The following EPHB1 variants were observed in gnomAD, a reference collection of about 807,000 sequenced individuals.
EPHB1 encodes ephrin type-B receptor 1.
A neutral mutation model predicts 94.4 loss-of-function variants in EPHB1; 30 were observed. The ratio of observed to expected loss-of-function variants is 0.32; its 90% CI spans 0.24 to 0.43. The LOEUF (loss-of-function observed/expected upper bound fraction) is 0.43, where lower values mean the gene tolerates loss of function less well. EPHB1 is among the 20% of genes least tolerant of loss of function. The pLI is 1.00. For missense variants in EPHB1, 1,055 were observed against 1,308.3 expected, an observed-to-expected ratio of 0.81 and a Z score of 2.99; for synonymous variants, 522 against 489.1, an observed-to-expected ratio of 1.07 and a Z score of -0.89.
rs1392317087 is a variant in EPHB1 at position 135,132,714 on chromosome 3, G to C, written c.962G>C (p.Ser321Thr). The C allele has an allele frequency of 6.3e-7, 1 of 1,575,716 alleles. No individual in the cohort carries two copies. Among genetic ancestry groups the C allele is most frequent in the Non-Finnish European group, 8.7e-7 (1 of 1,155,950 alleles). ...DFDPPEVACTSVPSGPRNVIS... is the reference protein window; with the variant it reads ...DFDPPEVACTTVPSGPRNVIS... ...CTGGACCTTCTTTGTCTCCCTGCAG[G>C]CGTCCCATCAGGTCCCCGCAATGTT... is the stretch of plus-strand genomic sequence containing the variant. Residue 321 changes from serine to threonine, a missense_variant and splice_region_variant, in exon 5 of 16, where the codon AGC becomes ACC. Ser to Thr is a moderately conservative substitution (Grantham distance 58, BLOSUM62 1). Coordinates refer to ENST00000398015, the MANE Select transcript of EPHB1 (RefSeq NM_004441.5).
intron 12 of EPHB1, among the ~76,000 whole-genome samples, chr3:135,202,343 C>A (rs541610527): frequency 6.6e-6 from 1 of 152,294 alleles, no homozygotes; most frequent in African/African-American, 2.4e-5. Flanking sequence ...GTTGGCACCA[C>A]TTAACTAAAG....
chr3:135,226,254 A>G (rs1445215979), intron 12 of EPHB1, among the ~76,000 whole-genome samples: 1 of 152,148 alleles, frequency 6.6e-6, no homozygotes, highest in Admixed American at 6.5e-5. Context: ...CCTGCTCAGT[A>G]GCTCTTCAAA....
At chr3:134,907,982 A>C (rs978917981) in intron 1 of EPHB1, among the ~76,000 whole-genome samples, 1 of 152,140 alleles carries the variant, frequency 6.6e-6, no homozygotes, top group Non-Finnish European at 1.5e-5. Flanking sequence ...GAAATTTCCA[A>C]GCTTCCTCCT....
At chr3:135,096,784 G>A (rs1440241925) in intron 3 of EPHB1, among the ~76,000 whole-genome samples, 1 of 152,132 alleles carries the variant, frequency 6.6e-6, no homozygotes, top group Admixed American at 6.5e-5. Flanking sequence ...TTACTCCACA[G>A]AGTCCTCACC....
intron 12 of EPHB1, among the ~76,000 whole-genome samples, chr3:135,205,481 T>C (rs969877210): frequency 3.9e-5 from 6 of 152,242 alleles, no homozygotes; most frequent in Non-Finnish European, 7.3e-5. Context: ...TTACCTGGTT[T>C]ATTTTAAAAG....
At chr3:134,966,866 G>C (rs771309926) in intron 3 of EPHB1, among the ~76,000 whole-genome samples, 6 of 152,252 alleles carry the variant, frequency 3.9e-5, no homozygotes, top group Non-Finnish European at 7.3e-5. Flanking sequence ...GGGAATGGCA[G>C]TCAGTGTTAG....
intron 12 of EPHB1, among the ~76,000 whole-genome samples, chr3:135,212,617 A>G (rs1340053535): frequency 1.3e-5 from 2 of 152,142 alleles, no homozygotes; most frequent in Non-Finnish European, 2.9e-5. Flanking sequence ...TTCCCTTGTT[A>G]TCTTGTTTCT....
intron 3 of EPHB1, among the ~76,000 whole-genome samples, chr3:135,025,139 C>T (rs559603247): frequency 4.2e-5 from 4 of 96,122 alleles, no homozygotes; most frequent in African/African-American, 7.9e-5. Context: ...CCTTCCTTCC[C>T]TCCTTCCTTC....
At chr3:134,825,775 G>T (rs578228371) in intron 1 of EPHB1, among the ~76,000 whole-genome samples, 1 of 152,080 alleles carries the variant, frequency 6.6e-6, no homozygotes, top group South Asian at 2.1e-4. Flanking sequence ...ATCCACCATG[G>T]TTTGGCTCAT....
intron 1 of EPHB1, among the ~76,000 whole-genome samples, chr3:134,806,957 C>CT (rs1340222470): frequency 6.6e-6 from 1 of 152,184 alleles, no homozygotes; most frequent in Non-Finnish European, 1.5e-5. Context: ...CCCTCTCTGT[C>CT]TGTGAATACT....
At chr3:135,060,065 A>G (rs1399368601) in intron 3 of EPHB1, among the ~76,000 whole-genome samples, 1 of 152,230 alleles carries the variant, frequency 6.6e-6, no homozygotes, top group African/African-American at 2.4e-5. Flanking sequence ...TGTAAAATTC[A>G]CTCTGTAAAT....
At chr3:134,822,486 A>T (rs948736053) in intron 1 of EPHB1, among the ~76,000 whole-genome samples, 2 of 152,202 alleles carry the variant, frequency 1.3e-5, no homozygotes, top group African/African-American at 4.8e-5. Context: ...TCCCATTGCA[A>T]AAAGGAATCA....
At chr3:135,136,446 AC>A (rs1940621663) in intron 5 of EPHB1, among the ~76,000 whole-genome samples, 1 of 152,090 alleles carries the variant, frequency 6.6e-6, no homozygotes, top group Non-Finnish European at 1.5e-5. Context: ...ATCTTTGAGC[AC>A]CTCCAATGTG....
intron 15 of EPHB1, among the ~76,000 whole-genome samples, chr3:135,252,300 G>A (rs1182623864): frequency 1.3e-5 from 2 of 150,056 alleles, no homozygotes; most frequent in Non-Finnish European, 3.0e-5. Flanking sequence ...GTGCCATGCT[G>A]GTGCGCTGCA....
At chr3:135,046,297 G>C (rs1157494630) in intron 3 of EPHB1, among the ~76,000 whole-genome samples, 1 of 152,210 alleles carries the variant, frequency 6.6e-6, no homozygotes, top group Non-Finnish European at 1.5e-5. Flanking sequence ...CTCTTGCTAC[G>C]TTGTATTGTC....
At chr3:134,914,882 G>T (rs1439453089) in intron 1 of EPHB1, among the ~76,000 whole-genome samples, 1 of 152,180 alleles carries the variant, frequency 6.6e-6, no homozygotes, top group East Asian at 1.9e-4. Flanking sequence ...CTCCCAGTCA[G>T]CAGGCAGGAG....
intron 1 of EPHB1, among the ~76,000 whole-genome samples, chr3:134,916,309 C>T (rs538510268): frequency 1.1e-4 from 17 of 152,354 alleles, no homozygotes; most frequent in African/African-American, 3.4e-4. Flanking sequence ...GGATCCCACA[C>T]GAGGGCCACA....
chr3:134,974,475 C>T (rs1217852813), intron 3 of EPHB1, among the ~76,000 whole-genome samples: 1 of 152,154 alleles, frequency 6.6e-6, no homozygotes, highest in African/African-American at 2.4e-5. Flanking sequence ...TTGTAAAGTG[C>T]CTAAAACACT....
At chr3:135,151,211 A>C (rs947550186) in intron 5 of EPHB1, among the ~76,000 whole-genome samples, 1 of 152,136 alleles carries the variant, frequency 6.6e-6, no homozygotes, top group African/African-American at 2.4e-5. Flanking sequence ...GTCAGATTAC[A>C]TCACCGTGCC....
Sources: gnomAD v4.1 joint callset for allele counts (sites outside exome capture counted in the v4.1 genomes callset) on GRCh38, gnomAD v4.1.1 for gene constraint, MANE v1.5 for transcripts, NCBI Gene and HGNC (gene_info 2026-07-23, HGNC 2026-07-21) for gene names.